IL1RAPL2: variants seen among roughly 807,000 people sequenced by gnomAD.
The protein encoded by IL1RAPL2 is X-linked interleukin-1 receptor accessory protein-like 2.
IL1RAPL2 carries 3 observed loss-of-function variants against 44.1 expected under a neutral mutation model. The ratio of observed to expected loss-of-function variants is 0.07; its 90% CI spans 0.03 to 0.18. The LOEUF is 0.18. Among genes scored for constraint, IL1RAPL2 ranks in the 10% least tolerant of loss-of-function variants. The pLI is 1.00. For synonymous variants in IL1RAPL2, 181 were observed against 178.8 expected (o/e 1.01, Z -0.10); for missense variants, 391 against 496.4 (o/e 0.79, Z 2.02).
At chrX:104,849,845 A>G (rs979009003) in intron 2 of IL1RAPL2, among the ~76,000 whole-genome samples, 1 of 111,465 alleles carries the variant, frequency 9.0e-6, no homozygotes, top group Non-Finnish European at 1.9e-5. Flanking sequence ...TATTTTAACA[A>G]TTTTTATGAG....
intron 2 of IL1RAPL2, among the ~76,000 whole-genome samples, chrX:104,685,940 T>TAATAAATA (rs777471781): frequency 3.7e-5 from 4 of 106,991 alleles, no homozygotes; most frequent in South Asian, 8.1e-4. Context: ...AATAAATAAA[T>TAATAAATA]AATAAATAAA....
intron 2 of IL1RAPL2, among the ~76,000 whole-genome samples, chrX:105,067,784 T>G (rs1432100610): frequency 9.0e-6 from 1 of 111,462 alleles, no homozygotes; most frequent in Non-Finnish European, 1.9e-5. Flanking sequence ...CACACACGCG[T>G]GCACACACAC....
At chrX:105,021,561 A>G (rs759529398) in intron 2 of IL1RAPL2, among the ~76,000 whole-genome samples, 1 of 111,413 alleles carries the variant, frequency 9.0e-6, no homozygotes, top group South Asian at 3.8e-4. Flanking sequence ...CACTGACAAC[A>G]TCTCTGCCCT....
intron 5 of IL1RAPL2, among the ~76,000 whole-genome samples, chrX:105,354,763 A>T (rs2035188350): frequency 9.0e-6 from 1 of 111,435 alleles, no homozygotes; most frequent in South Asian, 3.8e-4. Context: ...ACCCAGCTCA[A>T]GTGCTGACTC....
At chrX:104,638,788 A>G (rs962025605) in intron 1 of IL1RAPL2, among the ~76,000 whole-genome samples, 1 of 112,435 alleles carries the variant, frequency 8.9e-6, no homozygotes, top group Non-Finnish European at 1.9e-5. Flanking sequence ...CATATGGTCT[A>G]TTCTGGAGAA....
At chrX:105,300,523 C>T (rs1270342500) in intron 5 of IL1RAPL2, among the ~76,000 whole-genome samples, 3 of 111,349 alleles carry the variant, frequency 2.7e-5, no homozygotes, top group Non-Finnish European at 3.8e-5. Flanking sequence ...CCAACTCCAA[C>T]ACTGGGGATT....
intron 7 of IL1RAPL2, among the ~76,000 whole-genome samples, chrX:105,734,131 G>T: frequency 9.5e-6 from 1 of 105,413 alleles, no homozygotes; most frequent in African/African-American, 3.4e-5. Context: ...AGCTTTGCAG[G>T]TTTTTTTTTT....
intron 3 of IL1RAPL2, among the ~76,000 whole-genome samples, chrX:105,232,971 C>T (rs2034084448): frequency 8.9e-6 from 1 of 112,000 alleles, no homozygotes; most frequent in Non-Finnish European, 1.9e-5. Flanking sequence ...CAACACCTGG[C>T]ACATCTTAGT....
intron 5 of IL1RAPL2, among the ~76,000 whole-genome samples, chrX:105,362,188 C>T (rs1487973883): frequency 9.0e-6 from 1 of 111,469 alleles, no homozygotes; most frequent in African/African-American, 3.3e-5. Flanking sequence ...CTTTAGCACA[C>T]GTGAAACAGA....
chrX:104,637,123 G>T (rs1929829678), intron 1 of IL1RAPL2, among the ~76,000 whole-genome samples: 1 of 104,976 alleles, frequency 9.5e-6, no homozygotes, highest in African/African-American at 3.5e-5. Context: ...TTTCTTTCTT[G>T]GCTGGATCAT....
At chrX:105,036,188 GA>G (rs1486541621) in intron 2 of IL1RAPL2, among the ~76,000 whole-genome samples, 1 of 111,681 alleles carries the variant, frequency 9.0e-6, no homozygotes, top group East Asian at 2.8e-4. Context: ...TCACCTCATT[GA>G]CCCTTTCCCA....
intron 1 of IL1RAPL2, among the ~76,000 whole-genome samples, chrX:104,570,450 G>T (rs1002708892): frequency 1.6e-4 from 18 of 111,904 alleles, no homozygotes; most frequent in Admixed American, 1.3e-3. Context: ...AGCACTTTGG[G>T]AGGCTGAGGC....
At chrX:105,043,067 G>A (rs1264615835) in intron 2 of IL1RAPL2, among the ~76,000 whole-genome samples, 2 of 80,626 alleles carry the variant, frequency 2.5e-5, no homozygotes, top group Non-Finnish European at 4.7e-5. Flanking sequence ...ATCACACTCT[G>A]GGGACTGTTG....
At chrX:104,967,318 G>C (rs962278137) in intron 2 of IL1RAPL2, among the ~76,000 whole-genome samples, 1 of 111,020 alleles carries the variant, frequency 9.0e-6, no homozygotes, top group African/African-American at 3.3e-5. Context: ...ATATTCACAA[G>C]AGAAAATGTT....
chrX:105,168,872 G>A (rs1197948279), intron 2 of IL1RAPL2, among the ~76,000 whole-genome samples: 12 of 110,224 alleles, frequency 1.1e-4, no homozygotes, highest in African/African-American at 3.6e-4. Context: ...TCATAGACAC[G>A]CCAGAATAAT....
intron 2 of IL1RAPL2, among the ~76,000 whole-genome samples, chrX:105,036,004 A>G (rs1381920385): frequency 1.8e-5 from 2 of 111,745 alleles, no homozygotes; most frequent in African/African-American, 6.5e-5. Context: ...TATCTCCCAT[A>G]GTCTACATGG....
intron 5 of IL1RAPL2, among the ~76,000 whole-genome samples, chrX:105,372,578 A>T (rs927156427): frequency 1.8e-5 from 2 of 111,344 alleles, no homozygotes; most frequent in Non-Finnish European, 3.8e-5. Context: ...TTCTTCACCC[A>T]GGTATTAAGC....
At chrX:105,003,947 A>C (rs1235759235) in intron 2 of IL1RAPL2, among the ~76,000 whole-genome samples, 1 of 111,529 alleles carries the variant, frequency 9.0e-6, no homozygotes, top group Non-Finnish European at 1.9e-5. Context: ...ATTTCATCTA[A>C]TCTATGTAAT....
chrX:105,181,742 T>G (rs782165485), intron 2 of IL1RAPL2, among the ~76,000 whole-genome samples: 94 of 111,213 alleles, frequency 8.5e-4, no homozygotes, highest in African/African-American at 3.0e-3. Flanking sequence ...ATACCATCTA[T>G]CCTGGAGAAT....
Sources: allele counts gnomAD v4.1 joint callset (sites outside exome capture counted in the v4.1 genomes callset), GRCh38; gene constraint gnomAD v4.1.1; transcripts MANE v1.5; gene names NCBI Gene and HGNC (gene_info 2026-07-23, HGNC 2026-07-21).